Variants in MANBAL observed in about 807,000 individuals in gnomAD.
MANBAL encodes protein MANBAL.
A neutral mutation model predicts 6.4 loss-of-function variants in MANBAL; 1 was observed. That is an observed-to-expected ratio of 0.16 (90% CI 0.06 to 0.74). MANBAL has a LOEUF of 0.74. Ranked by LOEUF, MANBAL falls within the 30% of genes least tolerant of loss-of-function variation. The pLI is 0.78. For synonymous variants in MANBAL, 47 were observed against 45.8 expected (o/e 1.03, Z -0.10); for missense variants, 100 against 107.8 (o/e 0.93, Z 0.32).
chr20:37,315,339 C>T (rs559134925), intron 2 of MANBAL, among the ~76,000 whole-genome samples: 19 of 152,332 alleles, frequency 1.2e-4, no homozygotes, highest in East Asian at 1.9e-4. Context: ...GCCTCTCTGA[C>T]GTCCGTCCTT....
At chr20:37,306,585 A>T (rs1202101761) in intron 2 of MANBAL, among the ~76,000 whole-genome samples, 1 of 152,256 alleles carries the variant, frequency 6.6e-6, no homozygotes, top group Non-Finnish European at 1.5e-5. Flanking sequence ...TTTGAGCCTG[A>T]TGGAGGCGTG....
chr20:37,291,503 G>GTA (rs2068869479), intron 1 of MANBAL, among the ~76,000 whole-genome samples: 2 of 152,184 alleles, frequency 1.3e-5, no homozygotes, highest in South Asian at 4.1e-4. Flanking sequence ...TTTGAAGATA[G>GTA]TACTGACTGG....
chr20:37,291,826 T>TG (rs1325346973), intron 1 of MANBAL, among the ~76,000 whole-genome samples: 2 of 152,226 alleles, frequency 1.3e-5, no homozygotes, highest in Non-Finnish European at 2.9e-5. Flanking sequence ...ACATAAGACA[T>TG]GCCCTTGCCT....
intron 1 of MANBAL, among the ~76,000 whole-genome samples, chr20:37,293,646 T>A (rs1456479089): frequency 5.3e-5 from 8 of 152,136 alleles, no homozygotes; most frequent in Admixed American, 5.2e-4. Context: ...AACCTCCCAC[T>A]CCACCTGTGA....
At chr20:37,305,903 A>G (rs1402800199) in intron 2 of MANBAL, among the ~76,000 whole-genome samples, 2 of 152,118 alleles carry the variant, frequency 1.3e-5, no homozygotes, top group African/African-American at 2.4e-5. Flanking sequence ...CAGGATTACA[A>G]AGAGAGGGTG....
chr20:37,312,736 C>G (rs2069415970), intron 2 of MANBAL, among the ~76,000 whole-genome samples: 1 of 152,214 alleles, frequency 6.6e-6, no homozygotes, highest in Admixed American at 6.5e-5. Context: ...GCCTCAAATT[C>G]TTGGGCTTTA....
chr20:37,315,310 C>T (rs1172893129), intron 2 of MANBAL, among the ~76,000 whole-genome samples: 4 of 152,220 alleles, frequency 2.6e-5, no homozygotes, highest in Non-Finnish European at 5.9e-5. Flanking sequence ...CTGTGGTTGG[C>T]GTTCTCTGGG....
chr20:37,304,525 C>T (rs180901007), intron 2 of MANBAL, among the ~76,000 whole-genome samples: 254 of 152,144 alleles, frequency 1.7e-3, no homozygotes, highest in Admixed American at 2.8e-3. Context: ...TATTTATATT[C>T]CCCCCTTCAT....
At chr20:37,306,135 A>G (rs984046480) in intron 2 of MANBAL, among the ~76,000 whole-genome samples, 1 of 152,104 alleles carries the variant, frequency 6.6e-6, no homozygotes, top group African/African-American at 2.4e-5. Flanking sequence ...GGCAGAAGTG[A>G]GGGTGGGAGG....
chr20:37,314,272 G>A (rs1311940565), intron 2 of MANBAL, among the ~76,000 whole-genome samples: 1 of 152,116 alleles, frequency 6.6e-6, no homozygotes, highest in Non-Finnish European at 1.5e-5. Flanking sequence ...GGAGGGCCGG[G>A]CCTTCTGGGT....
At chr20:37,303,724 A>T (rs2069193453) in intron 2 of MANBAL, among the ~76,000 whole-genome samples, 1 of 152,202 alleles carries the variant, frequency 6.6e-6, no homozygotes, top group South Asian at 2.1e-4. Flanking sequence ...CCCATTGGAT[A>T]CCCACAGGAA....
chr20:37,310,247 C>T (rs1439802777), intron 2 of MANBAL, among the ~76,000 whole-genome samples: 1 of 152,246 alleles, frequency 6.6e-6, no homozygotes, highest in East Asian at 1.9e-4. Flanking sequence ...TCTGTTTCAG[C>T]CAGTCCTATC....
chr20:37,301,233 A>T lies in MANBAL; in HGVS notation c.-31A>T. ...TTGGTTCTAAAGAGTGGTGAGTCAGAAGAGACGTCAGGCAGCAAGCGACTT... is the reference window on the plus strand; with the variant it reads ...TTGGTTCTAAAGAGTGGTGAGTCAGTAGAGACGTCAGGCAGCAAGCGACTT... On this transcript the variant is annotated 5_prime_UTR_variant, in exon 2 of 3. Coordinates refer to ENST00000373606, the MANE Select transcript of MANBAL (RefSeq NM_001003897.2). 6.4e-7 allele frequency: 1 copy of T among 1,556,508 alleles called. No homozygotes were observed. Among genetic ancestry groups the T allele is most frequent in the Non-Finnish European group, 8.7e-7 (1 of 1,147,070 alleles).
intron 1 of MANBAL, chr20:37,297,291 C>G (rs534000868): frequency 6.6e-6 from 1 of 152,288 alleles, no homozygotes; most frequent in East Asian, 1.9e-4. Context: ...TATTCCTGAG[C>G]TCAGTGCCAC....
intron 1 of MANBAL, among the ~76,000 whole-genome samples, chr20:37,300,410 A>G (rs1325833162): frequency 9.9e-5 from 15 of 152,192 alleles, no homozygotes. Flanking sequence ...TCATCACAAA[A>G]TAAAATGATG....
chr20:37,302,543 C>G (rs937315839), intron 2 of MANBAL, among the ~76,000 whole-genome samples: 2 of 152,222 alleles, frequency 1.3e-5, no homozygotes, highest in Non-Finnish European at 2.9e-5. Flanking sequence ...CCTTCTGCAT[C>G]TGTTAGCTGG....
chr20:37,316,688 G>C lies in MANBAL; in HGVS notation c.*273G>C. On this transcript the variant is annotated 3_prime_UTR_variant, in exon 3 of 3. Coordinates refer to ENST00000373606, the MANE Select transcript of MANBAL (RefSeq NM_001003897.2). Reference sequence around the variant, plus strand: ...TGTATTAGGTTTGTTCAGAAGCCGGGTCAGCTCACAGAGTCACATTTTCTT... The same window carrying C: ...TGTATTAGGTTTGTTCAGAAGCCGGCTCAGCTCACAGAGTCACATTTTCTT... The C allele has an allele frequency of 3.6e-6, 1 of 279,262 alleles. No individual in the cohort carries two copies. Among genetic ancestry groups the C allele is most frequent in the Non-Finnish European group, 6.8e-6 (1 of 146,782 alleles). 17.3% of individuals were successfully genotyped at this position (279,262 alleles called of 1,614,324 possible). A position where few individuals can be genotyped will look rare whatever the true frequency, so the allele number is the denominator to read the frequency against.
rs1036199466 is a variant in MANBAL, at chr20:37,296,539, A to G, written c.-56-4669A>G. ...GTTTATATTTGCCGGGTTAGTGAAG[A>G]GGGATTATGCCATGATGTACCATCA... is the stretch of plus-strand genomic sequence containing the variant. On this transcript the variant is annotated intron_variant, in intron 1 of 2. Coordinates refer to ENST00000373606, the MANE Select transcript of MANBAL (RefSeq NM_001003897.2). Among the ~76,000 whole-genome samples, 41 of 152,266 alleles carry G rather than the reference A, an allele frequency of 2.7e-4. 1 individual carries two copies. Among genetic ancestry groups the G allele is most frequent in the African/African-American group, 8.7e-4 (36 of 41,536 alleles).
At chr20:37,299,747 A>G (rs374546576) in intron 1 of MANBAL, among the ~76,000 whole-genome samples, 2 of 152,224 alleles carry the variant, frequency 1.3e-5, no homozygotes. Context: ...TGTTGGGGAG[A>G]TGACACTTGA....
Sources: gnomAD v4.1 joint callset for allele counts (sites outside exome capture counted in the v4.1 genomes callset) on GRCh38, gnomAD v4.1.1 for gene constraint, MANE v1.5 for transcripts, NCBI Gene and HGNC (gene_info 2026-07-23, HGNC 2026-07-21) for gene names.